Variants in PDE11A observed in about 807,000 individuals in gnomAD.
PDE11A encodes phosphodiesterase 11A.
A neutral mutation model predicts 100.5 loss-of-function variants in PDE11A; 100 were observed. The ratio of observed to expected loss-of-function variants is 1.00; its 90% CI spans 0.85 to 1.18. PDE11A has a LOEUF of 1.18. Ranked by LOEUF, PDE11A falls within the 50% of genes most tolerant of loss-of-function variation. The pLI, the probability that PDE11A is intolerant of heterozygous loss-of-function variation, is 0.00. For synonymous variants in PDE11A, 381 were observed against 420.8 expected (o/e 0.91, Z 1.16); for missense variants, 1,141 against 1,152.6 (o/e 0.99, Z 0.15).
chr2:177,649,025 T>A lies in PDE11A; in HGVS notation c.2646+14841A>T, dbSNP rs114696919. On this transcript the variant is annotated intron_variant, in intron 19 of 19. Coordinates refer to ENST00000286063, the MANE Select transcript of PDE11A (RefSeq NM_016953.4). ...AAATAAATCTATACTAAAAATATGATCATACTTATTTATAATATGGAAAAT... is the reference window on the plus strand; with the variant it reads ...AAATAAATCTATACTAAAAATATGAACATACTTATTTATAATATGGAAAAT... 7.6e-3 allele frequency among the ~76,000 whole-genome samples: 1,161 copies of A among 152,246 alleles called. 16 individuals are homozygous for A. The highest frequency in any genetic ancestry group is 0.027 in the African/African-American group (1,111 of 41,564).
chr2:177,686,383 A>C (rs2080949766), intron 15 of PDE11A, among the ~76,000 whole-genome samples: 1 of 152,174 alleles, frequency 6.6e-6, no homozygotes, highest in Admixed American at 6.5e-5. Flanking sequence ...CCTTAGCAAC[A>C]AAGTGGGATT....
intron 2 of PDE11A, among the ~76,000 whole-genome samples, chr2:177,916,741 T>C (rs2084958709): frequency 6.6e-6 from 1 of 150,826 alleles, no homozygotes; most frequent in South Asian, 2.1e-4. Context: ...TTTATTTTAT[T>C]TTATTTTATT....
At position 177,711,699 on chromosome 2, in the gene PDE11A, A is replaced by G. The variant is rs529283841; in HGVS notation, c.2153+70T>C. ...GCCAGAAATTAATGCTTTACTCTTT[A>G]GCATTCGTCACCTTTGGCTCTGAAC... On this transcript the variant is annotated intron_variant, in intron 13 of 19. Transcript: ENST00000286063. 1.3e-3 allele frequency: 1,143 copies of G among 869,782 alleles called. 2 individuals carry two copies. Among genetic ancestry groups the G allele is most frequent in the Non-Finnish European group, 1.9e-3 (983 of 516,710 alleles). The allele number at this position is 869,782 out of a possible 1,614,324, so 53.9% of individuals were successfully genotyped here.
chr2:177,929,527 A>G (rs2085178350), intron 2 of PDE11A, among the ~76,000 whole-genome samples: 1 of 152,190 alleles, frequency 6.6e-6, no homozygotes, highest in Non-Finnish European at 1.5e-5. Context: ...TTGAAGCTTC[A>G]TCCGTACAAG....
chr2:177,840,276 T>C lies in PDE11A; in HGVS notation c.1475A>G (p.Tyr492Cys). Residue 492 changes from tyrosine (Y) to cysteine (C), a missense_variant, in exon 6 of 20, where the codon TAC becomes TGC. By Grantham distance (194) the Tyr-to-Cys change is radical. Transcript: ENST00000286063. ...CTCTGCATCAAAGCGCGGATCCTGG[T>C]AGGCATCACTGATGTTCACTGGAAG... ...TGLPVNISDA[Y>C]QDPRFDAEAD... 4.3e-6 allele frequency: 7 copies of C among 1,614,174 alleles called. No homozygotes were observed. Among genetic ancestry groups the C allele is most frequent in the South Asian group, 1.1e-5 (1 of 91,078 alleles).
chr2:177,864,650 T>C (rs913024022), intron 5 of PDE11A, among the ~76,000 whole-genome samples: 1 of 152,096 alleles, frequency 6.6e-6, no homozygotes, highest in Non-Finnish European at 1.5e-5. Context: ...TATGGACACA[T>C]CATGTACTTC....
intron 2 of PDE11A, among the ~76,000 whole-genome samples, chr2:178,005,699 G>A (rs1041705541): frequency 6.6e-6 from 1 of 152,158 alleles, no homozygotes; most frequent in Admixed American, 6.5e-5. Flanking sequence ...TGAATGAATA[G>A]TTCTTCCACA....
intron 2 of PDE11A, among the ~76,000 whole-genome samples, chr2:178,012,526 C>T (rs1381052018): frequency 6.6e-6 from 1 of 152,104 alleles, no homozygotes; most frequent in Non-Finnish European, 1.5e-5. Context: ...AGCTGTGCAT[C>T]CAAGCAGCTG....
chr2:177,984,333 T>C (rs1279739943), intron 2 of PDE11A, among the ~76,000 whole-genome samples: 1 of 152,194 alleles, frequency 6.6e-6, no homozygotes, highest in Admixed American at 6.5e-5. Context: ...AAATATAGAA[T>C]GAATACCTTT....
rs747042756 is a variant in PDE11A, at chr2:178,071,622, T to G, written c.816A>C (p.Thr272=). 1 of 1,613,522 alleles carries G rather than the reference T, an allele frequency of 6.2e-7. No individual in the cohort carries two copies. The highest frequency in any genetic ancestry group is 1.3e-5 in the African/African-American group (1 of 74,918). ...GGACCTGCACCTCATTTGAGTTCTC[T>G]GTGCTGCTGCAAGGCAGCAGAGGTG... ...AGTPLLPCSS[T]ENSNEVQVPW... is the part of the protein sequence containing the mutation. Residue 272 remains threonine (T), a synonymous_variant, in exon 1 of 20, where the codon ACA becomes ACC. Transcript: ENST00000286063.
At chr2:177,786,064 G>C (rs569328697) in intron 9 of PDE11A, among the ~76,000 whole-genome samples, 6 of 152,300 alleles carry the variant, frequency 3.9e-5, no homozygotes, top group African/African-American at 1.4e-4. Flanking sequence ...CTGGAGATCT[G>C]AGAACGGGCA....
intron 9 of PDE11A, among the ~76,000 whole-genome samples, chr2:177,803,453 A>G (rs1286842025): frequency 1.3e-5 from 2 of 151,844 alleles, no homozygotes; most frequent in Non-Finnish European, 3.0e-5. Context: ...CACTTTCTAC[A>G]AGGCCAGTAT....
At chr2:177,832,900 T>C (rs2083334730) in intron 6 of PDE11A, among the ~76,000 whole-genome samples, 1 of 152,132 alleles carries the variant, frequency 6.6e-6, no homozygotes, top group African/African-American at 2.4e-5. Flanking sequence ...CCTGGAAGTA[T>C]GTCAATGCAT....
chr2:177,735,200 G>A (rs191981030), intron 10 of PDE11A, among the ~76,000 whole-genome samples: 5 of 152,278 alleles, frequency 3.3e-5, no homozygotes, highest in South Asian at 2.1e-4. Context: ...TCGGCTTCAC[G>A]TTCCTGCCTT....
intron 10 of PDE11A, among the ~76,000 whole-genome samples, chr2:177,757,066 C>A (rs143442211): frequency 4.2e-4 from 64 of 152,288 alleles, no homozygotes; most frequent in Non-Finnish European, 7.8e-4. Flanking sequence ...ATCTCAATTT[C>A]TTAATGTGTG....
rs117808911 is a variant in PDE11A, at chr2:177,944,213, C to T, written c.1072-39026G>A. 2.2e-4 allele frequency among the ~76,000 whole-genome samples: 33 copies of T among 152,286 alleles called. No individual in the cohort carries two copies. The East Asian group carries it at 6.2e-3, about 28-fold the overall frequency. ...AAGGATGAAAATAAAGACCTGGACC[C>T]ATCTTTTCCTTCCATCCTCTAGAAA... On this transcript the variant is annotated intron_variant, in intron 2 of 19. Coordinates refer to ENST00000286063, the MANE Select transcript of PDE11A (RefSeq NM_016953.4).
chr2:178,085,739 G>C (rs1041082635), intron 2 of PDE11A, among the ~76,000 whole-genome samples: 1 of 152,106 alleles, frequency 6.6e-6, no homozygotes, highest in Non-Finnish European at 1.5e-5. Flanking sequence ...TTGCCCACCT[G>C]AAATCTGCAA....
chr2:177,639,813 G>A (rs1366083784), intron 19 of PDE11A, among the ~76,000 whole-genome samples: 2 of 152,152 alleles, frequency 1.3e-5, no homozygotes, highest in African/African-American at 2.4e-5. Context: ...CAAGGGAGGA[G>A]CAGAGAGAAG....
At chr2:177,854,449 A>T (rs1045916368) in intron 5 of PDE11A, among the ~76,000 whole-genome samples, 2 of 152,034 alleles carry the variant, frequency 1.3e-5, no homozygotes, top group African/African-American at 4.8e-5. Context: ...TCCTTCATTG[A>T]TGTTTAGCTC....
Sources: allele counts gnomAD v4.1 joint callset (sites outside exome capture counted in the v4.1 genomes callset), GRCh38; gene constraint gnomAD v4.1.1; transcripts MANE v1.5; gene names NCBI Gene and HGNC (gene_info 2026-07-23, HGNC 2026-07-21).